The following SDK2 variants were observed in gnomAD, a reference collection of about 807,000 sequenced individuals.
The protein encoded by SDK2 is sidekick cell adhesion molecule 2.
A neutral mutation model predicts 253.9 loss-of-function variants in SDK2; 105 were observed. That is an observed-to-expected ratio of 0.41 (90% CI 0.35 to 0.49). The LOEUF is 0.49. SDK2 is among the 20% of genes least tolerant of loss of function. The pLI, the probability that SDK2 is intolerant of heterozygous loss-of-function variation, is 0.06. For missense variants in SDK2, 2,608 were observed against 3,003.0 expected (o/e 0.87, Z 3.07); for synonymous variants, 1,249 against 1,234.9 (o/e 1.01, Z -0.24).
In SDK2 at chr17:73,455,733, G is replaced by C. The variant is rs1037699489; in HGVS notation, c.479+173C>G. Among the ~76,000 whole-genome samples, 3 of 152,218 alleles carry C rather than the reference G, an allele frequency of 2.0e-5. No individual in the cohort carries two copies. Among genetic ancestry groups the C allele is most frequent in the Non-Finnish European group, 4.4e-5 (3 of 68,028 alleles). ...GTTTCATGGTCCCAAGTCCTTGCCT[G>C]TGCATCCTAAGAAAGCCCCTGGGAG... On this transcript the variant is annotated intron_variant, in intron 4 of 44. Transcript: ENST00000392650. The surrounding 1 kb of genome is among the most constrained non-coding windows in gnomAD (Gnocchi z 5.0).
At position 73,380,903 on chromosome 17, in the gene SDK2, C is replaced by T. The variant is rs80234264; in HGVS notation, c.4753G>A (p.Glu1585Lys). 3,658 of 1,508,046 alleles carry T rather than the reference C, an allele frequency of 2.4e-3. 7 individuals are homozygous for T. The highest frequency in any genetic ancestry group is 3.6e-3 in the Admixed American group (185 of 51,312). 93.4% of individuals were successfully genotyped at this position (1,508,046 alleles called of 1,614,324 possible). A position where few individuals can be genotyped will look rare whatever the true frequency, so the allele number is the denominator to read the frequency against. The part of the protein sequence containing the change: ...NLSRPSLTQY[E>K]LDNLNKHRRY... Reference sequence around the variant, plus strand: ...ATGCAAGGAGACTTACTGTCCAGCTCGTACTGCGTGAGGCTGGGCCGGCTC... The same window carrying T: ...ATGCAAGGAGACTTACTGTCCAGCTTGTACTGCGTGAGGCTGGGCCGGCTC... The change falls in exon 34 of 45, where the codon GAG becomes AAG. Residue 1585 changes from glutamate (E) to lysine (K), a missense_variant. Around this residue, in one of 2 missense-constraint regions of SDK2, gnomAD observed 1,103 missense variants for 1,143.9 expected, o/e 0.96. Coordinates refer to ENST00000392650, the MANE Select transcript of SDK2 (RefSeq NM_001144952.2).
intron 1 of SDK2, among the ~76,000 whole-genome samples, chr17:73,535,677 G>A (rs893352546): frequency 3.3e-5 from 5 of 152,192 alleles, no homozygotes; most frequent in African/African-American, 1.2e-4. Context: ...CATGGGCTAC[G>A]GATTGGGAAG....
Position 73,338,668 on chromosome 17 carries a change from C to A in SDK2, c.6438G>T (p.Gln2146His), listed in dbSNP as rs1244745407. Residue 2146 changes from glutamine (Q) to histidine (H), a missense_variant, in exon 45 of 45, where the codon CAG becomes CAT. Gln to His is a conservative substitution (Grantham distance 24, BLOSUM62 0). Coordinates refer to ENST00000392650, the MANE Select transcript of SDK2 (RefSeq NM_001144952.2). The surrounding 1 kb of genome is among the most constrained non-coding windows in gnomAD (Gnocchi z 5.0). ...TGGGGGGACGGTAGAGGGTGCTCTG[C>A]TGACTTGGGGGGTTAGGGGGGTTCT... ...TPQNPPNPPS[Q>H]QSTLYRPPSS... The A allele has an allele frequency of 1.1e-5, 18 of 1,578,956 alleles. No individual in the cohort carries two copies. The Admixed American group carries it at 3.3e-4, about 29-fold the overall frequency.
intron 1 of SDK2, among the ~76,000 whole-genome samples, chr17:73,594,513 T>C (rs948295196): frequency 6.6e-6 from 1 of 151,520 alleles, no homozygotes; most frequent in Admixed American, 6.6e-5. Context: ...GAGAATATAT[T>C]AGATATCACA....
In SDK2 at chr17:73,395,649, T is replaced by C. The variant is rs2062965471; in HGVS notation, c.3355-257A>G. Among the ~76,000 whole-genome samples, 1 of 152,204 alleles carries C rather than the reference T, an allele frequency of 6.6e-6. No individual in the cohort carries two copies. Among genetic ancestry groups the C allele is most frequent in the Non-Finnish European group, 1.5e-5 (1 of 68,042 alleles). On this transcript the variant is annotated intron_variant, in intron 24 of 44. Coordinates refer to ENST00000392650, the MANE Select transcript of SDK2 (RefSeq NM_001144952.2). This position sits in a 1 kb window ranked among gnomAD's most constrained non-coding sequence, Gnocchi z 4.3. ...TTTATTGTGTATGTGACAAATCTAT[T>C]ACCCTGCCAAGGGAGTCAGGAGCCA...
chr17:73,462,931 A>G (rs1480588516), intron 3 of SDK2, among the ~76,000 whole-genome samples: 25 of 152,202 alleles, frequency 1.6e-4, no homozygotes, highest in East Asian at 3.8e-4. Context: ...ATTTATACAT[A>G]CATATGTGTG....
In SDK2 at chr17:73,492,683, G is replaced by A. The variant is rs140861563; in HGVS notation, c.224+14755C>T. 4.7e-3 allele frequency among the ~76,000 whole-genome samples: 720 copies of A among 152,260 alleles called. 5 individuals are homozygous for A. The highest frequency in any genetic ancestry group is 0.016 in the African/African-American group (667 of 41,556). ...CCAGCGGACTTGGGCGACCCTGGGA[G>A]AAGACTGGACTGGTAAGTCAGAAAC... On this transcript the variant is annotated intron_variant, in intron 2 of 44. Coordinates refer to ENST00000392650, the MANE Select transcript of SDK2 (RefSeq NM_001144952.2).
chr17:73,506,682 C>A (rs1253521125), intron 2 of SDK2, among the ~76,000 whole-genome samples: 1 of 152,184 alleles, frequency 6.6e-6, no homozygotes, highest in East Asian at 1.9e-4. Flanking sequence ...AGGGTTGGAG[C>A]CAATAAAACA....
rs141358230 is a variant in SDK2, at chr17:73,440,062, C to T, written c.725+750G>A. On this transcript the variant is annotated intron_variant, in intron 6 of 44. Coordinates refer to ENST00000392650, the MANE Select transcript of SDK2 (RefSeq NM_001144952.2). Reference sequence around the variant, plus strand: ...GGGCCGCACATGGCTGGGAAGGGCTCGGGTGGCTCCTGACCCCTGATCTGC... The same window carrying T: ...GGGCCGCACATGGCTGGGAAGGGCTTGGGTGGCTCCTGACCCCTGATCTGC... Among the ~76,000 whole-genome samples the T allele has an allele frequency of 3.5e-3, 521 of 150,308 alleles. 1 individual carries two copies. Among genetic ancestry groups the T allele is most frequent in the South Asian group, 0.012 (57 of 4,756 alleles).
chr17:73,379,451 C>T lies in SDK2; in HGVS notation c.4861G>A (p.Ala1621Thr), dbSNP rs954608639. 1 of 1,603,098 alleles carries T rather than the reference C, an allele frequency of 6.2e-7. No individual in the cohort carries two copies. Among genetic ancestry groups the T allele is most frequent in the Non-Finnish European group, 8.5e-7 (1 of 1,173,966 alleles). Reference protein sequence around the residue: ...SPPQEVFVGEAVPTAAPRNVV... With the variant: ...SPPQEVFVGETVPTAAPRNVV... ...GGACAGGGCGGGCGCTGCTCACCTG[C>T]CTCCCCAACAAAGACCTCCTGCGGG... The change falls in exon 35 of 45, where the codon GCA becomes ACA. Residue 1621 changes from alanine (A) to threonine (T), a missense_variant. Coordinates refer to ENST00000392650, the MANE Select transcript of SDK2 (RefSeq NM_001144952.2). The surrounding 1 kb of genome is among the most constrained non-coding windows in gnomAD (Gnocchi z 4.5).
intron 3 of SDK2, among the ~76,000 whole-genome samples, chr17:73,463,099 C>T (rs963894434): frequency 1.3e-4 from 20 of 152,122 alleles, no homozygotes; most frequent in African/African-American, 4.3e-4. Flanking sequence ...TGAGGCCCCA[C>T]GATCCCCTGG....
At chr17:73,561,995 G>A (rs2087394748) in intron 1 of SDK2, among the ~76,000 whole-genome samples, 1 of 152,090 alleles carries the variant, frequency 6.6e-6, no homozygotes, top group Non-Finnish European at 1.5e-5. Context: ...GCGTGGTGGT[G>A]TGCGCCTGTA....
chr17:73,582,932 C>T (rs1051681899), intron 1 of SDK2, among the ~76,000 whole-genome samples: 2 of 152,186 alleles, frequency 1.3e-5, no homozygotes, highest in Admixed American at 6.5e-5. Context: ...TTCTTCCCCG[C>T]TAGCTTCCTT....
At position 73,534,046 on chromosome 17, in the gene SDK2, GCTC is replaced by G. The variant is rs1004554158; in HGVS notation, c.65-26452_65-26450del. On this transcript the variant is annotated intron_variant, in intron 1 of 44. Coordinates refer to ENST00000392650, the MANE Select transcript of SDK2 (RefSeq NM_001144952.2). The surrounding 1 kb of genome is among the most constrained non-coding windows in gnomAD (Gnocchi z 4.9). ...CGCCATTCTGCTCCGCCTGCTCCCTGCTCCTCCTCCTCCTCCTCCTTCCCCGCC... is the reference window on the plus strand; with the variant it reads ...CGCCATTCTGCTCCGCCTGCTCCCTGCTCCTCCTCCTCCTCCTTCCCCGCC... Among the ~76,000 whole-genome samples the G allele has an allele frequency of 7.2e-5, 11 of 151,728 alleles. No individual in the cohort carries two copies. Among genetic ancestry groups the G allele is most frequent in the East Asian group, 3.9e-4 (2 of 5,150 alleles).
chr17:73,444,632 T>C (rs1388791889), intron 5 of SDK2, among the ~76,000 whole-genome samples: 2 of 152,172 alleles, frequency 1.3e-5, no homozygotes, highest in African/African-American at 4.8e-5. Flanking sequence ...TAGGCACCAA[T>C]TTACAGATGG....
intron 1 of SDK2, among the ~76,000 whole-genome samples, chr17:73,545,715 G>T (rs2044952554): frequency 6.6e-6 from 1 of 152,294 alleles, no homozygotes; most frequent in South Asian, 2.1e-4. Flanking sequence ...TGAGCTGGAT[G>T]ATACAACCAT....
intron 12 of SDK2, among the ~76,000 whole-genome samples, chr17:73,426,904 T>C (rs12452863): frequency 5.5e-4 from 84 of 151,884 alleles, no homozygotes; most frequent in African/African-American, 1.8e-3. Flanking sequence ...GCTAACACGG[T>C]GAAACCCTGT....
chr17:73,363,369 C>T (rs536148858), intron 38 of SDK2, among the ~76,000 whole-genome samples: 16 of 152,298 alleles, frequency 1.1e-4, no homozygotes, highest in African/African-American at 2.9e-4. Context: ...TGCACCCGGC[C>T]GCTAAGTGGA....
At chr17:73,520,671 G>A (rs1329230136) in intron 1 of SDK2, 1 of 152,270 alleles carries the variant, frequency 6.6e-6, no homozygotes, top group African/African-American at 2.4e-5. Context: ...AAGGAGGGAG[G>A]TAAACAAAGG....
Sources: allele counts gnomAD v4.1 joint callset (sites outside exome capture counted in the v4.1 genomes callset), GRCh38; gene constraint gnomAD v4.1.1; regional missense constraint gnomAD v4.1.1; non-coding constraint Gnocchi (gnomAD v3.1); transcripts MANE v1.5; gene names NCBI Gene and HGNC (gene_info 2026-07-23, HGNC 2026-07-21).